Variants in NECAB1 observed in about 807,000 individuals in gnomAD.
NECAB1 encodes N-terminal EF-hand calcium binding protein 1.
A neutral mutation model predicts 57.5 loss-of-function variants in NECAB1; 29 were observed. That is an observed-to-expected ratio of 0.50 (90% CI 0.38 to 0.69). The LOEUF is 0.69. NECAB1 is among the 30% of genes least tolerant of loss of function. The probability of loss-of-function intolerance (pLI) is 0.00; values close to 1 mark genes in which losing one functional copy is unlikely to be tolerated. For missense variants in NECAB1, 372 were observed against 413.8 expected, an observed-to-expected ratio of 0.90 and a Z score of 0.88; for synonymous variants, 142 against 147.7, an observed-to-expected ratio of 0.96 and a Z score of 0.28.
chr8:90,843,705 A>G (rs548146601), intron 3 of NECAB1, among the ~76,000 whole-genome samples: 3 of 152,350 alleles, frequency 2.0e-5, no homozygotes, highest in African/African-American at 7.2e-5. Context: ...TGTGGGCTAG[A>G]AACTGTGCAA....
intron 2 of NECAB1, among the ~76,000 whole-genome samples, chr8:90,818,959 A>G (rs1034952836): frequency 2.0e-5 from 3 of 151,914 alleles, no homozygotes; most frequent in African/African-American, 4.8e-5. Flanking sequence ...CAGTGTTTTA[A>G]AAGTATAATA....
At chr8:90,917,925 CAT>C (rs564088595) in intron 6 of NECAB1, among the ~76,000 whole-genome samples, 6,897 of 99,928 alleles carry the variant, frequency 0.069, 616 homozygotes, top group African/African-American at 0.24. Flanking sequence ...CACACACACA[CAT>C]ATATGTGTAT....
intron 3 of NECAB1, among the ~76,000 whole-genome samples, chr8:90,870,473 G>A (rs961284264): frequency 1.1e-4 from 16 of 151,898 alleles, no homozygotes; most frequent in African/African-American, 3.4e-4. Context: ...AAAACTACTC[G>A]GTTTTCTGAA....
chr8:90,879,163 T>TTTTAGCAACAATTG (rs1808790153), intron 4 of NECAB1, among the ~76,000 whole-genome samples: 1 of 145,432 alleles, frequency 6.9e-6, no homozygotes, highest in African/African-American at 2.5e-5. Flanking sequence ...AGTGTTGCTT[T>TTTTAGCAACAATTG]TTTAGCAACA....
chr8:90,892,544 T>C (rs574958909), intron 5 of NECAB1, among the ~76,000 whole-genome samples: 1 of 152,350 alleles, frequency 6.6e-6, no homozygotes, highest in East Asian at 1.9e-4. Context: ...TTGTCATATT[T>C]GTACCCCCTT....
At position 90,798,367 on chromosome 8, in the gene NECAB1, G is replaced by A. The variant is rs369273064; in HGVS notation, c.100-3324G>A. Among the ~76,000 whole-genome samples the A allele has an allele frequency of 9.2e-5, 14 of 152,276 alleles. No homozygotes were observed. The South Asian group carries it at 1.7e-3, about 18-fold the overall frequency. On this transcript the variant is annotated intron_variant, in intron 1 of 12. Coordinates refer to ENST00000417640, the MANE Select transcript of NECAB1 (RefSeq NM_022351.5). ...TTACGTGGGTGTATCACATGATGGC[G>A]AGATTTGGGGTACAAATGATTCCAT...
At chr8:90,851,781 ATCT>A (rs1369865120) in intron 3 of NECAB1, among the ~76,000 whole-genome samples, 5 of 152,134 alleles carry the variant, frequency 3.3e-5, no homozygotes. Flanking sequence ...ACACATCATT[ATCT>A]CCCCAAATCC....
intron 5 of NECAB1, among the ~76,000 whole-genome samples, chr8:90,899,819 T>C (rs1186731695): frequency 1.3e-5 from 2 of 152,138 alleles, no homozygotes; most frequent in Admixed American, 1.3e-4. Context: ...TATACCAGCA[T>C]GAAGCTAAAC....
At chr8:90,854,628 A>G (rs917001781) in intron 3 of NECAB1, among the ~76,000 whole-genome samples, 2 of 152,206 alleles carry the variant, frequency 1.3e-5, no homozygotes, top group Admixed American at 1.3e-4. Flanking sequence ...TGAATTGGCA[A>G]TTACATATAC....
chr8:90,919,802 CTT>C (rs1239129866), intron 6 of NECAB1, among the ~76,000 whole-genome samples: 2 of 152,092 alleles, frequency 1.3e-5, no homozygotes. Context: ...TGGGAACTCC[CTT>C]TTTAGAATCA....
intron 6 of NECAB1, among the ~76,000 whole-genome samples, chr8:90,918,357 T>C (rs1810028316): frequency 6.6e-6 from 1 of 151,890 alleles, no homozygotes; most frequent in Middle Eastern, 3.5e-3. Context: ...GAGAAGACTT[T>C]AAAGTATTAT....
intron 3 of NECAB1, among the ~76,000 whole-genome samples, chr8:90,840,778 G>C (rs1409152300): frequency 1.3e-5 from 2 of 152,036 alleles, no homozygotes; most frequent in Non-Finnish European, 2.9e-5. Flanking sequence ...GGTTCACAAC[G>C]GGAAAATTGC....
intron 5 of NECAB1, among the ~76,000 whole-genome samples, chr8:90,906,893 A>ATATATATATATGTATATATATATGTG (rs1563528290): frequency 7.3e-6 from 1 of 137,550 alleles, no homozygotes; most frequent in African/African-American, 2.8e-5. Flanking sequence ...ATATATATAT[A>ATATATATATATGTATATATATATGTG]TATATATATA....
chr8:90,845,583 A>G (rs1812540830), intron 3 of NECAB1, among the ~76,000 whole-genome samples: 1 of 152,222 alleles, frequency 6.6e-6, no homozygotes, highest in Non-Finnish European at 1.5e-5. Flanking sequence ...AGTATTTTGT[A>G]TAAATAGACA....
intron 3 of NECAB1, among the ~76,000 whole-genome samples, chr8:90,851,815 C>G (rs148882578): frequency 1.3e-5 from 2 of 152,278 alleles, no homozygotes; most frequent in Non-Finnish European, 2.9e-5. Flanking sequence ...TTAGAGCTTA[C>G]TCTTCATGTT....
At chr8:90,875,342 G>T (rs564188843) in intron 4 of NECAB1, among the ~76,000 whole-genome samples, 7 of 151,098 alleles carry the variant, frequency 4.6e-5, no homozygotes, top group Non-Finnish European at 8.8e-5. Flanking sequence ...TTAGCCGGGC[G>T]CGGTGGCGGG....
intron 5 of NECAB1, among the ~76,000 whole-genome samples, chr8:90,885,300 G>A (rs560411319): frequency 1.3e-5 from 2 of 152,260 alleles, no homozygotes; most frequent in African/African-American, 4.8e-5. Flanking sequence ...CTCAAGACTT[G>A]CACTGGCACC....
rs147919607 is a variant in NECAB1 at position 90,793,597 on chromosome 8, C to A, written c.99+1612C>A. 1.7e-4 allele frequency among the ~76,000 whole-genome samples: 26 copies of A among 152,240 alleles called. No individual in the cohort carries two copies. In the East Asian group the frequency reaches 3.7e-3, roughly 21 times the overall value. On this transcript the variant is annotated intron_variant, in intron 1 of 12. Transcript: ENST00000417640. ...GAGGTAAGCTGAGAAAAGAGAAGGG[C>A]ACCACAACATGCCTGAAAAGTCAGG...
At chr8:90,889,020 T>C (rs1394975433) in intron 5 of NECAB1, among the ~76,000 whole-genome samples, 1 of 152,184 alleles carries the variant, frequency 6.6e-6, no homozygotes, top group Non-Finnish European at 1.5e-5. Context: ...TCTGACAGTA[T>C]GGGAAGGAGA....
Sources: allele counts gnomAD v4.1 joint callset (sites outside exome capture counted in the v4.1 genomes callset), GRCh38; gene constraint gnomAD v4.1.1; transcripts MANE v1.5; gene names NCBI Gene and HGNC (gene_info 2026-07-23, HGNC 2026-07-21).